The following DTHD1 variants were observed in gnomAD, a reference collection of about 807,000 sequenced individuals.
The protein encoded by DTHD1 is death domain containing 1, also known as death domain-containing protein 1.
Under a neutral mutation model 74.8 loss-of-function variants are expected in DTHD1, and 59 were observed. The observed-to-expected ratio is 0.79, with a 90% confidence interval of 0.64 to 0.98. The LOEUF is 0.98. Ranked by LOEUF, DTHD1 falls within the 50% of genes least tolerant of loss-of-function variation. DTHD1 has a pLI of 0.00. For missense variants in DTHD1, 1,051 were observed against 1,065.4 expected, an observed-to-expected ratio of 0.99 and a Z score of 0.19; for synonymous variants, 365 against 371.1, an observed-to-expected ratio of 0.98 and a Z score of 0.19.
chr4:36,295,093 G>T lies in DTHD1; in HGVS notation c.1643+54G>T, dbSNP rs74786126. The T allele has an allele frequency of 2.9e-4, 408 of 1,417,536 alleles. 5 individuals carry two copies. In the East Asian group the frequency reaches 8.2e-3, roughly 28 times the overall value. 87.8% of individuals were successfully genotyped at this position (1,417,536 alleles called of 1,614,324 possible). A position where few individuals can be genotyped will look rare whatever the true frequency, so the allele number is the denominator to read the frequency against. On this transcript the variant is annotated intron_variant, in intron 5 of 9. Coordinates refer to ENST00000639862, the MANE Select transcript of DTHD1 (RefSeq NM_001170700.3). ...GCTTAATGTCAAACAAAGAAGCTTAGATGATTAAAACTTGCAGTCAAATGC... is the reference window on the plus strand; with the variant it reads ...GCTTAATGTCAAACAAAGAAGCTTATATGATTAAAACTTGCAGTCAAATGC...
intron 4 of DTHD1, among the ~76,000 whole-genome samples, chr4:36,294,312 C>T (rs193140537): frequency 5.3e-4 from 81 of 151,858 alleles, no homozygotes; most frequent in Middle Eastern, 3.4e-3. Flanking sequence ...TGAAGAAGAA[C>T]GATTAGGAAG....
At chr4:36,325,220 C>T (rs962298746) in intron 8 of DTHD1, among the ~76,000 whole-genome samples, 1 of 152,144 alleles carries the variant, frequency 6.6e-6, no homozygotes, top group Non-Finnish European at 1.5e-5. Context: ...GATTTCATGA[C>T]ATAGAGAGCA....
At chr4:36,297,035 C>G (rs572675955) in intron 5 of DTHD1, among the ~76,000 whole-genome samples, 8 of 151,942 alleles carry the variant, frequency 5.3e-5, no homozygotes, top group African/African-American at 1.9e-4. Flanking sequence ...GAAAAGAAAA[C>G]GTTATTAAGA....
At chr4:36,320,561 G>A (rs527451114) in intron 8 of DTHD1, among the ~76,000 whole-genome samples, 11 of 152,304 alleles carry the variant, frequency 7.2e-5, no homozygotes, top group Non-Finnish European at 1.3e-4. Context: ...AGATGGGTTC[G>A]TATAGGGCTT....
At chr4:36,299,620 A>G (rs1756641787) in intron 5 of DTHD1, among the ~76,000 whole-genome samples, 1 of 152,138 alleles carries the variant, frequency 6.6e-6, no homozygotes, top group South Asian at 2.1e-4. Context: ...TCTCCATTGT[A>G]TGCACTCTGT....
chr4:36,283,758 G>T, intron 1 of DTHD1: 1 of 549,952 alleles, frequency 1.8e-6, no homozygotes, highest in East Asian at 3.0e-5. Flanking sequence ...TTTACTCTTT[G>T]CTACCATGTT....
rs1195677363 is a variant in DTHD1 at position 36,294,688 on chromosome 4, T to C, written c.1399-107T>C. On this transcript the variant is annotated intron_variant, in intron 4 of 9. Transcript: ENST00000639862. The stretch of plus-strand genomic sequence containing the variant: ...TTACAACTAACAATACATAGAGAAA[T>C]GTATAAAACTATGCTGCATAGAATT... 10 of 1,023,520 alleles carry C rather than the reference T, an allele frequency of 9.8e-6. No individual in the cohort carries two copies. The Admixed American group carries it at 1.4e-4, about 15-fold the overall frequency. The allele number at this position is 1,023,520 out of a possible 1,614,324, so 63.4% of individuals were successfully genotyped here. A position where few individuals can be genotyped will look rare whatever the true frequency, so the allele number is the denominator to read the frequency against.
intron 9 of DTHD1, among the ~76,000 whole-genome samples, chr4:36,340,406 T>C (rs377100358): frequency 3.5e-4 from 53 of 152,192 alleles, no homozygotes; most frequent in African/African-American, 1.2e-3. Context: ...ATGGTTAAGA[T>C]TGAGTCAGCA....
chr4:36,333,026 T>C (rs1758788454), intron 8 of DTHD1, among the ~76,000 whole-genome samples: 1 of 152,138 alleles, frequency 6.6e-6, no homozygotes, highest in Non-Finnish European at 1.5e-5. Flanking sequence ...ACTGTGTATA[T>C]GAGATATGAC....
intron 5 of DTHD1, among the ~76,000 whole-genome samples, chr4:36,303,006 A>AT (rs997619699): frequency 3.3e-5 from 5 of 152,290 alleles, no homozygotes; most frequent in African/African-American, 1.2e-4. Context: ...ATCATATATT[A>AT]TTTTTTTCCA....
chr4:36,286,970 A>T (rs115573367), intron 2 of DTHD1, among the ~76,000 whole-genome samples: 2,318 of 152,026 alleles, frequency 0.015, 42 homozygotes, highest in African/African-American at 0.05. Context: ...TAATTTAAAA[A>T]TTTTTCTTAT....
chr4:36,306,086 C>A, intron 5 of DTHD1, 105 bp from the exon 6 acceptor site: 1 of 1,092,174 alleles, frequency 9.2e-7, no homozygotes, highest in Middle Eastern at 2.6e-4. Flanking sequence ...ATAGTATGTA[C>A]TTAATGAATT....
intron 8 of DTHD1, among the ~76,000 whole-genome samples, chr4:36,320,528 C>CAGTAGATTCTACTGCCA (rs942466841): frequency 5.9e-5 from 9 of 152,140 alleles, no homozygotes; most frequent in African/African-American, 2.2e-4. Flanking sequence ...GCCAATAGGC[C>CAGTAGATTCTACTGCCA]ATCTGTGCTT....
At chr4:36,310,342 G>T (rs191463413) in intron 7 of DTHD1, among the ~76,000 whole-genome samples, 38 of 152,300 alleles carry the variant, frequency 2.5e-4, no homozygotes, top group Admixed American at 1.2e-3. Context: ...AACAAGAAGA[G>T]AAAACAGCTG....
chr4:36,342,665 G>A (rs1759382200), intron 9 of DTHD1, among the ~76,000 whole-genome samples: 1 of 152,012 alleles, frequency 6.6e-6, no homozygotes, highest in Admixed American at 6.6e-5. Flanking sequence ...GTGTGTGTGT[G>A]AGTGTGTGTA....
intron 8 of DTHD1, among the ~76,000 whole-genome samples, chr4:36,322,512 G>C (rs1179380942): frequency 2.0e-5 from 3 of 152,052 alleles, no homozygotes; most frequent in Admixed American, 6.6e-5. Flanking sequence ...GAACCTTCCT[G>C]TATGGCCAGG....
In DTHD1 at chr4:36,343,627, G is replaced by A; in HGVS notation, c.2524G>A (p.Asp842Asn). The change falls in exon 10 of 10, where the codon GAT (aspartate) becomes AAT (asparagine). Residue 842 changes from aspartate (D) to asparagine (N), a missense_variant. By Grantham distance (23) the Asp-to-Asn change is conservative. Coordinates refer to ENST00000639862, the MANE Select transcript of DTHD1 (RefSeq NM_001170700.3). ...TCAGCTCATCAAACTCAAGAACCCTGATGATCTCACAGAACAGATCCACGA... is the reference window on the plus strand; with the variant it reads ...TCAGCTCATCAAACTCAAGAACCCTAATGATCTCACAGAACAGATCCACGA... ...TIQLIKLKNP[D>N]DLTEQIHEFL... is the part of the protein sequence containing the mutation. 1 of 1,551,884 alleles carries A rather than the reference G, an allele frequency of 6.4e-7. No homozygotes were observed. The highest frequency in any genetic ancestry group is 8.7e-7 in the Non-Finnish European group (1 of 1,146,972).
chr4:36,287,825 T>C (rs1392485674), intron 2 of DTHD1, among the ~76,000 whole-genome samples: 1 of 152,230 alleles, frequency 6.6e-6, no homozygotes, highest in Non-Finnish European at 1.5e-5. Context: ...CACTTTTTGA[T>C]GGGATTGTTT....
At chr4:36,341,459 G>C (rs1270852147) in intron 9 of DTHD1, among the ~76,000 whole-genome samples, 1 of 152,208 alleles carries the variant, frequency 6.6e-6, no homozygotes, top group Non-Finnish European at 1.5e-5. Flanking sequence ...AGGAGAAGCA[G>C]ACATGGGCTG....
Sources: allele counts gnomAD v4.1 joint callset (sites outside exome capture counted in the v4.1 genomes callset), GRCh38; gene constraint gnomAD v4.1.1; transcripts MANE v1.5; gene names NCBI Gene and HGNC (gene_info 2026-07-23, HGNC 2026-07-21).